The following TTC32 variants were observed in gnomAD, a reference collection of about 807,000 sequenced individuals.
TTC32 encodes tetratricopeptide repeat domain 32.
In TTC32, 16 loss-of-function variants were observed where a neutral mutation model predicts 15.3. The observed-to-expected ratio is 1.05, with a 90% CI of 0.71 to 1.59. The LOEUF (loss-of-function observed/expected upper bound fraction) is 1.59, where lower values mean the gene tolerates loss of function less well. Ranked by LOEUF, TTC32 falls within the 40% of genes most tolerant of loss-of-function variation. The probability of loss-of-function intolerance (pLI) is 0.00; values close to 1 mark genes in which losing one functional copy is unlikely to be tolerated. For missense variants in TTC32, 188 were observed against 181.9 expected, an observed-to-expected ratio of 1.03 and a Z score of -0.19; for synonymous variants, 89 against 67.8, an observed-to-expected ratio of 1.31 and a Z score of -1.53.
intron 1 of TTC32, 64 bp downstream of exon 1, chr2:19,901,642 C>G (rs181211384): frequency 3.2e-6 from 5 of 1,563,602 alleles, no homozygotes; most frequent in Non-Finnish European, 4.3e-6. Context: ...AAGATAGGAG[C>G]CCAAACAACC....
At chr2:19,898,873 T>C (rs1401071533) in intron 1 of TTC32, among the ~76,000 whole-genome samples, 1 of 152,262 alleles carries the variant, frequency 6.6e-6, no homozygotes, top group African/African-American at 2.4e-5. Context: ...CAGAGAACAT[T>C]AGTGCCTCTG....
Position 19,901,972 on chromosome 2 carries a change from A to G in TTC32, c.-118T>C. On this transcript the variant is annotated 5_prime_UTR_variant, in exon 1 of 3. Coordinates refer to ENST00000333610, the MANE Select transcript of TTC32 (RefSeq NM_001008237.3). ...TACCTTGACAGCCAACCTTGGCGCT[A>G]GGTTTGTGCCTTATGGGGATCCGTC... 1 of 1,326,588 alleles carries G rather than the reference A, an allele frequency of 7.5e-7. No homozygotes were observed. Among genetic ancestry groups the G allele is most frequent in the South Asian group, 1.4e-5 (1 of 72,836 alleles). 82.2% of individuals were successfully genotyped at this position (1,326,588 alleles called of 1,614,324 possible).
Position 19,896,860 on chromosome 2 carries a change from T to C in TTC32, c.*127A>G. On this transcript the variant is annotated 3_prime_UTR_variant, in exon 3 of 3. Transcript: ENST00000333610. Reference sequence around the variant, plus strand: ...CTGAAATTAACTACCTTAAACACACTATTTAACTTTCAGTGCTAATGTATT... The same window carrying C: ...CTGAAATTAACTACCTTAAACACACCATTTAACTTTCAGTGCTAATGTATT... 1.1e-6 allele frequency: 1 copy of C among 886,850 alleles called. No homozygotes were observed. The highest frequency in any genetic ancestry group is 1.6e-6 in the Non-Finnish European group (1 of 626,018). 54.9% of individuals were successfully genotyped at this position (886,850 alleles called of 1,614,324 possible). A position where few individuals can be genotyped will look rare whatever the true frequency, so the allele number is the denominator to read the frequency against.
intron 1 of TTC32, chr2:19,901,341 G>A (rs972808444): frequency 3.2e-6 from 1 of 311,286 alleles, no homozygotes; most frequent in African/African-American, 2.2e-5. Flanking sequence ...CTAAAATCAC[G>A]AGTGGAAAAT....
At chr2:19,901,258 G>C (rs901242716) in intron 1 of TTC32, 5 of 325,550 alleles carry the variant, frequency 1.5e-5, no homozygotes, top group Non-Finnish European at 3.1e-5. Flanking sequence ...GTGACACTGA[G>C]ATGGGAGTCG....
chr2:19,897,222 A>G, intron 2 of TTC32, 96 bp from the exon 3 acceptor site: 3 of 1,287,476 alleles, frequency 2.3e-6, no homozygotes, highest in Non-Finnish European at 1.1e-6. Context: ...TTTTGCTTTT[A>G]TATTTATGAG....
At chr2:19,897,531 T>C (rs1669530410) in intron 2 of TTC32, among the ~76,000 whole-genome samples, 1 of 152,234 alleles carries the variant, frequency 6.6e-6, no homozygotes, top group Non-Finnish European at 1.5e-5. Context: ...CACTTTCTAT[T>C]GTCTTGTGTG....
intron 1 of TTC32, 178 bp from the exon 2 acceptor site, chr2:19,898,213 CCT>C: frequency 1.9e-6 from 1 of 537,432 alleles, no homozygotes; most frequent in African/African-American, 1.9e-5. Context: ...TTTGTTTAAC[CCT>C]GTTATCTACT....
At chr2:19,900,679 G>GT (rs1415457410) in intron 1 of TTC32, among the ~76,000 whole-genome samples, 2 of 152,210 alleles carry the variant, frequency 1.3e-5, no homozygotes, top group African/African-American at 4.8e-5. Context: ...CAAGCAGACA[G>GT]TAACAGGTGA....
Position 19,897,061 on chromosome 2 carries a change from C to T in TTC32, c.382G>A (p.Ala128Thr). 6.2e-7 allele frequency: 1 copy of T among 1,608,948 alleles called. No individual in the cohort carries two copies. Among genetic ancestry groups the T allele is most frequent in the Non-Finnish European group, 8.5e-7 (1 of 1,177,850 alleles). ...VLDLNPGFQD[A>T]TLSLKQTILD... Reference sequence around the variant, plus strand: ...ATAGTCTGTTTTAAGCTCAAAGTAGCATCTTGAAATCCAGGATTTAAGTCT... The same window carrying T: ...ATAGTCTGTTTTAAGCTCAAAGTAGTATCTTGAAATCCAGGATTTAAGTCT... The change falls in exon 3 of 3, where the codon GCT becomes ACT. Residue 128 changes from alanine (A) to threonine (T), a missense_variant. By Grantham distance (58) the Ala-to-Thr change is moderately conservative. Transcript: ENST00000333610.
In TTC32 at chr2:19,896,854, A is replaced by G; in HGVS notation, c.*133T>C. 1.2e-6 allele frequency: 1 copy of G among 830,490 alleles called. No homozygotes were observed. Among genetic ancestry groups the G allele is most frequent in the Non-Finnish European group, 1.7e-6 (1 of 579,978 alleles). 51.4% of individuals were successfully genotyped at this position (830,490 alleles called of 1,614,324 possible). On this transcript the variant is annotated 3_prime_UTR_variant, in exon 3 of 3. Transcript: ENST00000333610. Reference sequence around the variant, plus strand: ...TTCAACCTGAAATTAACTACCTTAAACACACTATTTAACTTTCAGTGCTAA... The same window carrying G: ...TTCAACCTGAAATTAACTACCTTAAGCACACTATTTAACTTTCAGTGCTAA...
At chr2:19,900,479 C>G (rs914646412) in intron 1 of TTC32, among the ~76,000 whole-genome samples, 2 of 152,202 alleles carry the variant, frequency 1.3e-5, no homozygotes, top group Non-Finnish European at 2.9e-5. Flanking sequence ...AAAAGACAAG[C>G]TGGCATCCTG....
intron 1 of TTC32, chr2:19,901,256 G>GA (rs2103368228): frequency 1.5e-5 from 5 of 326,080 alleles, no homozygotes; most frequent in South Asian, 1.1e-4. Context: ...CCGTGACACT[G>GA]AGATGGGAGT....
rs760789836 is a variant in TTC32, at chr2:19,901,773, C to T, written c.82G>A (p.Glu28Lys). ...HFNNGEYAEA[E>K]ALYSAYIRRC... ...CGAATGTAAGCGGAGTACAGTGCCT[C>T]GGCCTCCGCGTACTCTCCATTGTTG... is the stretch of plus-strand genomic sequence containing the variant. The change falls in exon 1 of 3, where the codon GAG becomes AAG. Residue 28 changes from glutamate (E) to lysine (K), a missense_variant. Glu to Lys is a moderately conservative substitution (Grantham distance 56). Transcript: ENST00000333610. 13 of 1,614,060 alleles carry T rather than the reference C, an allele frequency of 8.1e-6. No homozygotes were observed. In the African/African-American group the frequency reaches 9.3e-5, roughly 12 times the overall value.
chr2:19,897,802 C>T (rs1258626047), intron 2 of TTC32, 67 bp downstream of exon 2: 2 of 1,283,306 alleles, frequency 1.6e-6, no homozygotes, highest in Admixed American at 2.5e-5. Flanking sequence ...AGTTTTACAA[C>T]ATTTGAAAGC....
At position 19,897,001 on chromosome 2, in the gene TTC32, C is replaced by A. The variant is rs1279991759; in HGVS notation, c.442G>T (p.Ala148Ser). The stretch of plus-strand genomic sequence containing the variant: ...AGTTAAAAATATCAATAATTTTTTG[C>A]AACATTTCTTCTTTGTTTTTCTTCT... ...DKEEKQRRNV[A>S]KNY The change falls in exon 3 of 3, where the codon GCA (alanine) becomes TCA (serine). Residue 148 changes from alanine to serine, a missense_variant. Coordinates refer to ENST00000333610, the MANE Select transcript of TTC32 (RefSeq NM_001008237.3). 6.3e-7 allele frequency: 1 copy of A among 1,580,172 alleles called. No individual in the cohort carries two copies. Among genetic ancestry groups the A allele is most frequent in the South Asian group, 1.2e-5 (1 of 84,836 alleles).
chr2:19,900,351 CT>C lies in TTC32; in HGVS notation c.149+1354del, dbSNP rs543320333. ...CATCTTATTGCCTGTTCAGAAACTT[CT>C]ATTATTATTCTTGTGTGTTATTGAA... On this transcript the variant is annotated intron_variant, in intron 1 of 2. Coordinates refer to ENST00000333610, the MANE Select transcript of TTC32 (RefSeq NM_001008237.3). Among the ~76,000 whole-genome samples the C allele has an allele frequency of 9.2e-5, 14 of 152,148 alleles. No homozygotes were observed. The East Asian group carries it at 2.3e-3, about 25-fold the overall frequency.
chr2:19,897,010 T>C lies in TTC32; in HGVS notation c.433A>G (p.Arg145Gly), dbSNP rs746926733. ...TATCAATAATTTTTTGCAACATTTC[T>C]TCTTTGTTTTTCTTCTTTGTCTAGA... Reference protein sequence around the residue: ...TILDKEEKQRRNVAKNY With the variant: ...TILDKEEKQRGNVAKNY The change falls in exon 3 of 3, where the codon AGA becomes GGA. Residue 145 changes from arginine to glycine, a missense_variant. By Grantham distance (125) the Arg-to-Gly change is moderately radical. Coordinates refer to ENST00000333610, the MANE Select transcript of TTC32 (RefSeq NM_001008237.3). 1 of 1,585,012 alleles carries C rather than the reference T, an allele frequency of 6.3e-7. No individual in the cohort carries two copies. The highest frequency in any genetic ancestry group is 8.6e-7 in the Non-Finnish European group (1 of 1,168,140).
intron 1 of TTC32, chr2:19,901,503 G>A (rs1298122881): frequency 1.1e-4 from 69 of 618,910 alleles, no homozygotes; most frequent in Non-Finnish European, 7.9e-6. Flanking sequence ...CCTCACGGGT[G>A]GGCTTCTCCC....
Sources: gnomAD v4.1 joint callset for allele counts (sites outside exome capture counted in the v4.1 genomes callset) on GRCh38, gnomAD v4.1.1 for gene constraint, MANE v1.5 for transcripts, NCBI Gene and HGNC (gene_info 2026-07-23, HGNC 2026-07-21) for gene names.